The following ZNF573 variants were observed in gnomAD, a reference collection of about 807,000 sequenced individuals.
The protein encoded by ZNF573 is zinc finger protein 573.
In ZNF573, 41 loss-of-function variants were observed where a neutral mutation model predicts 57.4. The observed-to-expected ratio is 0.71, with a 90% CI of 0.56 to 0.93. The LOEUF is 0.93. Among genes scored for constraint, ZNF573 ranks in the 40% least tolerant of loss-of-function variants. The probability of loss-of-function intolerance (pLI) is 0.00; values close to 1 mark genes in which losing one functional copy is unlikely to be tolerated. For missense variants in ZNF573, 730 were observed against 794.8 expected (o/e 0.92, Z 0.98); for synonymous variants, 249 against 261.0 (o/e 0.95, Z 0.44).
At position 37,752,326 on chromosome 19, in the gene ZNF573, G is replaced by A. The variant is rs572509225; in HGVS notation, c.296-12132C>T. ...TTAGAGGATAACATAGAAGTAAATC[G>A]TCATGAACTTGGATTACAAAAGTTT... On this transcript the variant is annotated intron_variant, in intron 4 of 4. Coordinates refer to ENST00000536220, the MANE Select transcript of ZNF573 (RefSeq NM_001172690.2). Among the ~76,000 whole-genome samples the A allele has an allele frequency of 1.4e-4, 22 of 152,158 alleles. No homozygotes were observed. The South Asian group carries it at 2.9e-3, about 20-fold the overall frequency.
At chr19:37,768,520 C>A (rs1234231032) in intron 4 of ZNF573, among the ~76,000 whole-genome samples, 1 of 152,124 alleles carries the variant, frequency 6.6e-6, no homozygotes, top group Non-Finnish European at 1.5e-5. Flanking sequence ...GGCTTGTGAC[C>A]TTATACCATG....
At position 37,778,811 on chromosome 19, in the gene ZNF573, T is replaced by C. The variant is rs185437508; in HGVS notation, c.-23+733A>G. Reference sequence around the variant, plus strand: ...TACACAATACCCTCCACGCCTTCCCTGTTCACACACTTTAACACATGGAGG... The same window carrying C: ...TACACAATACCCTCCACGCCTTCCCCGTTCACACACTTTAACACATGGAGG... On this transcript the variant is annotated intron_variant, in intron 1 of 4. Coordinates refer to ENST00000536220, the MANE Select transcript of ZNF573 (RefSeq NM_001172690.2). 3.7e-4 allele frequency among the ~76,000 whole-genome samples: 57 copies of C among 152,242 alleles called. No homozygotes were observed. In the East Asian group the frequency reaches 8.3e-3, roughly 22 times the overall value.
chr19:37,770,103 A>G lies in ZNF573; in HGVS notation c.203-6T>C. 1 of 1,538,164 alleles carries G rather than the reference A, an allele frequency of 6.5e-7. No individual in the cohort carries two copies. The highest frequency in any genetic ancestry group is 8.8e-7 in the Non-Finnish European group (1 of 1,141,786). ...TTTAGAAATGGAATGTCCTCCTTAT[A>G]AGAAAAGAAATGCCACATGGTATAA... On this transcript the variant is annotated splice_polypyrimidine_tract_variant and splice_region_variant and intron_variant, in intron 3 of 4. Transcript: ENST00000536220.
chr19:37,762,610 C>T (rs2045562713), intron 4 of ZNF573, among the ~76,000 whole-genome samples: 1 of 152,206 alleles, frequency 6.6e-6, no homozygotes, highest in Middle Eastern at 3.4e-3. Context: ...CCCTGATTGG[C>T]AAGTTGCACC....
At chr19:37,775,873 AAAAACAAAAC>A (rs139098604) in intron 1 of ZNF573, among the ~76,000 whole-genome samples, 2 of 149,352 alleles carry the variant, frequency 1.3e-5, no homozygotes, top group Non-Finnish European at 3.0e-5. Flanking sequence ...AAAAGAAAAC[AAAAACAAAAC>A]AAAACAAAAC....
Position 37,771,710 on chromosome 19 carries a change from C to A in ZNF573, c.70-14G>T. 6.3e-7 allele frequency: 1 copy of A among 1,581,728 alleles called. No individual in the cohort carries two copies. Among genetic ancestry groups the A allele is most frequent in the South Asian group, 1.2e-5 (1 of 85,120 alleles). Reference sequence around the variant, plus strand: ...TAATTCCTGAAACTGCAAACCCATGCATTACAAAATTTTAAAAACATTTTA... The same window carrying A: ...TAATTCCTGAAACTGCAAACCCATGAATTACAAAATTTTAAAAACATTTTA... On this transcript the variant is annotated splice_polypyrimidine_tract_variant and intron_variant, in intron 2 of 4. Coordinates refer to ENST00000536220, the MANE Select transcript of ZNF573 (RefSeq NM_001172690.2).
intron 4 of ZNF573, 136 bp from the exon 5 acceptor site, chr19:37,740,330 A>C: frequency 1.4e-6 from 1 of 735,148 alleles, no homozygotes; most frequent in Non-Finnish European, 2.2e-6. Flanking sequence ...ACGAAATTTG[A>C]AAAAGGCCAA....
At chr19:37,773,913 C>G (rs2145335481) in intron 1 of ZNF573, among the ~76,000 whole-genome samples, 162 bp from the exon 2 acceptor site, 1 of 152,158 alleles carries the variant, frequency 6.6e-6, no homozygotes, top group East Asian at 1.9e-4. Context: ...CCCAGGAAAC[C>G]CAGCTATACA....
Position 37,738,519 on chromosome 19 carries a change from C to G in ZNF573, c.1971G>C (p.Gln657His). 1 of 1,543,380 alleles carries G rather than the reference C, an allele frequency of 6.5e-7. No individual in the cohort carries two copies. The highest frequency in any genetic ancestry group is 8.7e-7 in the Non-Finnish European group (1 of 1,150,144). The change falls in exon 5 of 5, where the codon CAG becomes CAC. Residue 657 changes from glutamine to histidine, a missense_variant. Transcript: ENST00000536220. ...ACACTTTTATGCTCCTATGAATTCT[C>G]TGATGGGCTTTAAGGGCTGAACCAT... ...FRYGSALKAH[Q>H]RIHRSIKV
At chr19:37,762,965 G>A (rs147031703) in intron 4 of ZNF573, among the ~76,000 whole-genome samples, 1 of 151,920 alleles carries the variant, frequency 6.6e-6, no homozygotes, top group Non-Finnish European at 1.5e-5. Flanking sequence ...TAGAGACAGG[G>A]TTTCACCATG....
At chr19:37,761,383 A>C (rs2145312376) in intron 4 of ZNF573, among the ~76,000 whole-genome samples, 1 of 152,140 alleles carries the variant, frequency 6.6e-6, no homozygotes, top group African/African-American at 2.4e-5. Flanking sequence ...TTTTTCTCGG[A>C]CCTTCTCTTG....
intron 1 of ZNF573, among the ~76,000 whole-genome samples, chr19:37,779,145 GCAAT>G (rs144188561): frequency 0.09 from 13,668 of 151,934 alleles, 1,004 homozygotes; most frequent in African/African-American, 0.2. Context: ...CAGTGCCACC[GCAAT>G]CAACGTACAT....
rs547047742 is a variant in ZNF573 at position 37,777,565 on chromosome 19, T to C, written c.-23+1979A>G. On this transcript the variant is annotated intron_variant, in intron 1 of 4. Transcript: ENST00000536220. ...CAGGAATGGAAAACCAAACATTACATGTTCTCATTTATGAGTGGAAGCTAA... is the reference window on the plus strand; with the variant it reads ...CAGGAATGGAAAACCAAACATTACACGTTCTCATTTATGAGTGGAAGCTAA... Among the ~76,000 whole-genome samples, 9 of 152,214 alleles carry C rather than the reference T, an allele frequency of 5.9e-5. No homozygotes were observed. The South Asian group carries it at 1.9e-3, about 32-fold the overall frequency.
chr19:37,758,266 A>T (rs1378486948), intron 4 of ZNF573, among the ~76,000 whole-genome samples: 58 of 95,358 alleles, frequency 6.1e-4, no homozygotes, highest in African/African-American at 2.1e-3. Context: ...TATATATATA[A>T]AATTACCCAG....
chr19:37,773,627 T>C, intron 2 of ZNF573, 34 bp downstream of exon 2: 1 of 1,498,826 alleles, frequency 6.7e-7, no homozygotes, highest in Non-Finnish European at 9.0e-7. Flanking sequence ...CCTATGATCA[T>C]GATATTGCAA....
intron 1 of ZNF573, among the ~76,000 whole-genome samples, chr19:37,777,901 T>C (rs931403827): frequency 3.3e-5 from 5 of 150,664 alleles, no homozygotes; most frequent in Admixed American, 2.7e-4. Context: ...CGGGCGCCTG[T>C]AGTCCCAGCT....
intron 4 of ZNF573, among the ~76,000 whole-genome samples, chr19:37,759,835 C>T (rs1234666995): frequency 4.6e-5 from 7 of 152,118 alleles, no homozygotes; most frequent in Non-Finnish European, 8.8e-5. Flanking sequence ...TTAATAATGG[C>T]GTATCAACCT....
chr19:37,750,501 A>G (rs1386402398), intron 4 of ZNF573, among the ~76,000 whole-genome samples: 1 of 152,168 alleles, frequency 6.6e-6, no homozygotes, highest in Non-Finnish European at 1.5e-5. Flanking sequence ...TCAACACATG[A>G]TGACCAAATT....
At chr19:37,776,630 A>T (rs980068436) in intron 1 of ZNF573, among the ~76,000 whole-genome samples, 1 of 152,230 alleles carries the variant, frequency 6.6e-6, no homozygotes, top group Admixed American at 6.5e-5. Flanking sequence ...AAAGATAAAT[A>T]GATGGGACTT....
Sources: gnomAD v4.1 joint callset for allele counts (sites outside exome capture counted in the v4.1 genomes callset) on GRCh38, gnomAD v4.1.1 for gene constraint, MANE v1.5 for transcripts, NCBI Gene and HGNC (gene_info 2026-07-23, HGNC 2026-07-21) for gene names.